PLXNA4: variants seen among roughly 807,000 people sequenced by gnomAD.
PLXNA4 encodes plexin A4, also known as plexin-A4.
PLXNA4 carries 44 observed loss-of-function variants against 191.8 expected under a neutral mutation model. That is an observed-to-expected ratio of 0.23 (90% CI 0.18 to 0.29). PLXNA4 has a LOEUF of 0.29. Among genes scored for constraint, PLXNA4 ranks in the 10% least tolerant of loss-of-function variants. The probability of loss-of-function intolerance (pLI) is 1.00; values close to 1 mark genes in which losing one functional copy is unlikely to be tolerated. For missense variants in PLXNA4, 1,800 were observed against 2,488.8 expected (o/e 0.72, Z 5.89); for synonymous variants, 1,082 against 1,009.5 (o/e 1.07, Z -1.36).
chr7:132,504,519 G>A (rs1304206929), intron 2 of PLXNA4, among the ~76,000 whole-genome samples: 1 of 152,174 alleles, frequency 6.6e-6, no homozygotes, highest in African/African-American at 2.4e-5. Context: ...TAGAGAGCTG[G>A]TACAGCCTGG....
At chr7:132,491,747 T>C (rs1797813371) in intron 2 of PLXNA4, among the ~76,000 whole-genome samples, 2 of 152,098 alleles carry the variant, frequency 1.3e-5, no homozygotes, top group African/African-American at 4.8e-5. Flanking sequence ...CTGTCTCTAC[T>C]AAAAAAACAA....
At chr7:132,488,432 C>A (rs1797649446) in intron 3 of PLXNA4, among the ~76,000 whole-genome samples, 1 of 152,288 alleles carries the variant, frequency 6.6e-6, no homozygotes, top group East Asian at 1.9e-4. Flanking sequence ...CAGAGAACCC[C>A]AAAAGAAGCC....
intron 3 of PLXNA4, among the ~76,000 whole-genome samples, chr7:132,467,977 C>A (rs1362262748): frequency 6.6e-6 from 1 of 152,224 alleles, no homozygotes; most frequent in Non-Finnish European, 1.5e-5. Flanking sequence ...ATGGCTCTCA[C>A]ACTTGCACAC....
Position 132,146,644 on chromosome 7 carries a change from T to A in PLXNA4, c.4921A>T (p.Ile1641Phe). ...PDSLRSRTPM[I>F]TPDLESGVKM... The stretch of plus-strand genomic sequence containing the variant: ...ACTCCACTCTCCAGGTCAGGAGTGA[T>A]CATAGGTGTCCGTGAGCGGAGGCTG... The change falls in exon 28 of 32, where the codon ATC becomes TTC. Residue 1641 changes from isoleucine to phenylalanine, a missense_variant. Ile to Phe is a conservative substitution (Grantham distance 21, BLOSUM62 0). This residue lies in a region of PLXNA4 where 214 missense variants were observed against 298.2 expected (regional missense o/e 0.72). Transcript: ENST00000321063. 1 of 1,614,206 alleles carries A rather than the reference T, an allele frequency of 6.2e-7. No homozygotes were observed. The highest frequency in any genetic ancestry group is 8.5e-7 in the Non-Finnish European group (1 of 1,180,040).
rs117645791 is a variant in PLXNA4 at position 132,409,348 on chromosome 7, G to A, written c.1371+79944C>T. ...CCATGTCCTATAACCCCCTATGGCAGCTCCAGCCCCGAGACGTCTTCCCTT... is the reference window on the plus strand; with the variant it reads ...CCATGTCCTATAACCCCCTATGGCAACTCCAGCCCCGAGACGTCTTCCCTT... On this transcript the variant is annotated intron_variant, in intron 3 of 31. Coordinates refer to ENST00000321063, the MANE Select transcript of PLXNA4 (RefSeq NM_020911.2). Among the ~76,000 whole-genome samples, 1,080 of 152,274 alleles carry A rather than the reference G, an allele frequency of 7.1e-3. 7 individuals are homozygous for A. The highest frequency in any genetic ancestry group is 0.017 in the Admixed American group (265 of 15,296).
chr7:132,198,600 TG>T lies in PLXNA4; in HGVS notation c.2622del (p.Lys875ArgfsTer30). 1 of 1,614,232 alleles carries T rather than the reference TG, an allele frequency of 6.2e-7. No individual in the cohort carries two copies. The highest frequency in any genetic ancestry group is 8.5e-7 in the Non-Finnish European group (1 of 1,180,032). ...AGGTTCTCCCCTCGGATAGTGACCT[TG>T]GTGCCCCCTTCCCGGGGGCCTGTCA... ...IPVTGPREGG[T>X]KVTIRGENLG... On this transcript the variant is annotated frameshift_variant, in exon 13 of 32. Coordinates refer to ENST00000321063, the MANE Select transcript of PLXNA4 (RefSeq NM_020911.2). LOFTEE classifies it high-confidence loss of function.
rs550821965 is a variant in PLXNA4, at chr7:132,461,872, G to C, written c.1371+27420C>G. Among the ~76,000 whole-genome samples, 30 of 152,316 alleles carry C rather than the reference G, an allele frequency of 2.0e-4. 1 individual carries two copies. The highest frequency in any genetic ancestry group is 6.8e-3 in the Middle Eastern group (2 of 294). ...AGGGCTTAAATATTATTCCCTTCAT[G>C]GGGGAAAAACAAAGTCTTAATGGCA... On this transcript the variant is annotated intron_variant, in intron 3 of 31. Coordinates refer to ENST00000321063, the MANE Select transcript of PLXNA4 (RefSeq NM_020911.2).
At chr7:132,163,503 C>T (rs1444830229) in intron 24 of PLXNA4, among the ~76,000 whole-genome samples, 2 of 152,206 alleles carry the variant, frequency 1.3e-5, no homozygotes, top group East Asian at 3.8e-4. Context: ...AAGGCAGAGC[C>T]AGGGCTCAAA....
chr7:132,296,472 A>G (rs910292313), intron 4 of PLXNA4, among the ~76,000 whole-genome samples: 12 of 144,266 alleles, frequency 8.3e-5, no homozygotes, highest in African/African-American at 3.1e-4. Flanking sequence ...AAGTCTTGCT[A>G]TGTTGCCCAG....
rs1795480645 is a variant in PLXNA4 at position 132,147,827 on chromosome 7, T to C, written c.4864+73A>G. 8.7e-6 allele frequency: 14 copies of C among 1,600,812 alleles called. No individual in the cohort carries two copies. In the African/African-American group the frequency reaches 1.1e-4, roughly 12 times the overall value. On this transcript the variant is annotated intron_variant, in intron 27 of 31. Transcript: ENST00000321063. ...CCCTCTCCAAGAGTCTCCTGCCTTC[T>C]GGCTATGCTGCTGTCATGACAACAG... is the stretch of plus-strand genomic sequence containing the variant.
chr7:132,566,729 C>A (rs1801743249), intron 1 of PLXNA4, among the ~76,000 whole-genome samples: 1 of 152,210 alleles, frequency 6.6e-6, no homozygotes, highest in African/African-American at 2.4e-5. Context: ...ACAAACCTGT[C>A]AGAGTGGCAT....
At chr7:132,305,361 A>AACACACACACAC (rs57158164) in intron 3 of PLXNA4, among the ~76,000 whole-genome samples, 3,356 of 131,120 alleles carry the variant, frequency 0.026, 72 homozygotes, top group East Asian at 0.052. Context: ...GCTTACCAAG[A>AACACACACACAC]ACACACACAC....
At chr7:132,156,024 C>T (rs1262403249) in intron 25 of PLXNA4, among the ~76,000 whole-genome samples, 2 of 152,008 alleles carry the variant, frequency 1.3e-5, no homozygotes, top group Non-Finnish European at 2.9e-5. Flanking sequence ...GTTGCCTCCT[C>T]CCTGGGTCTC....
chr7:132,640,781 A>G (rs1803726910), intron 2 of PLXNA4, among the ~76,000 whole-genome samples: 1 of 104,426 alleles, frequency 9.6e-6, no homozygotes, highest in Admixed American at 9.5e-5. Context: ...TACTGAAAAA[A>G]AAAAAAGGGG....
chr7:132,496,883 C>T (rs1401205691), intron 2 of PLXNA4, among the ~76,000 whole-genome samples: 2 of 152,162 alleles, frequency 1.3e-5, no homozygotes, highest in African/African-American at 4.8e-5. Context: ...CCAACTCTCC[C>T]CTCCCAAGGA....
chr7:132,378,039 G>A (rs1197796374), intron 3 of PLXNA4, among the ~76,000 whole-genome samples: 2 of 152,272 alleles, frequency 1.3e-5, no homozygotes, highest in South Asian at 2.1e-4. Context: ...GGTAGGAAGA[G>A]CACCCTAGAA....
At position 132,335,013 on chromosome 7, in the gene PLXNA4, T is replaced by A. The variant is rs566690930; in HGVS notation, c.1372-36791A>T. Among the ~76,000 whole-genome samples, 30 of 152,368 alleles carry A rather than the reference T, an allele frequency of 2.0e-4. No individual in the cohort carries two copies. In the South Asian group the frequency reaches 6.2e-3, roughly 32 times the overall value. Reference sequence around the variant, plus strand: ...CTCTAAGCTCTGTGAAAATCCTGACTGCTTTCAAATAATTTTTTAAAAATT... The same window carrying A: ...CTCTAAGCTCTGTGAAAATCCTGACAGCTTTCAAATAATTTTTTAAAAATT... On this transcript the variant is annotated intron_variant, in intron 3 of 31. Coordinates refer to ENST00000321063, the MANE Select transcript of PLXNA4 (RefSeq NM_020911.2).
At chr7:132,222,834 A>G (rs936398487) in intron 9 of PLXNA4, among the ~76,000 whole-genome samples, 5 of 152,332 alleles carry the variant, frequency 3.3e-5, no homozygotes, top group Middle Eastern at 3.4e-3. Flanking sequence ...GGAATAGAAA[A>G]GTCACATTTT....
In PLXNA4 at chr7:132,145,262, G is replaced by T; in HGVS notation, c.5082C>A (p.Asp1694Glu). 1 of 1,614,210 alleles carries T rather than the reference G, an allele frequency of 6.2e-7. No individual in the cohort carries two copies. Residue 1694 changes from aspartate (D) to glutamate (E), a missense_variant, in exon 29 of 32, where the codon GAC becomes GAA. Around this residue, in one of 6 missense-constraint regions of PLXNA4, gnomAD observed 101 missense variants for 182.8 expected, o/e 0.55. Coordinates refer to ENST00000321063, the MANE Select transcript of PLXNA4 (RefSeq NM_020911.2). ...CCGTGCTGAAGATGGTCTCAAAGAG[G>T]TCATCCACAAACTTCTGCAGTGTGC... ...TKGTLQKFVD[D>E]LFETIFSTAH...
Sources: allele counts gnomAD v4.1 joint callset (sites outside exome capture counted in the v4.1 genomes callset), GRCh38; gene constraint gnomAD v4.1.1; regional missense constraint gnomAD v4.1.1; transcripts MANE v1.5; gene names NCBI Gene and HGNC (gene_info 2026-07-23, HGNC 2026-07-21).